NUP210: variants seen among roughly 807,000 people sequenced by gnomAD.
NUP210 encodes the protein nuclear pore membrane glycoprotein 210.
NUP210 carries 151 observed loss-of-function variants against 196.0 expected under a neutral mutation model. The ratio of observed to expected loss-of-function variants is 0.77; its 90% CI spans 0.67 to 0.88. The LOEUF (loss-of-function observed/expected upper bound fraction) is 0.88, where lower values mean the gene tolerates loss of function less well. NUP210 is among the 40% of genes least tolerant of loss of function. The pLI is 0.00. For missense variants in NUP210, 2,314 were observed against 2,493.7 expected (o/e 0.93, Z 1.53); for synonymous variants, 1,070 against 1,052.7 (o/e 1.02, Z -0.32).
intron 14 of NUP210, among the ~76,000 whole-genome samples, 190 bp from the exon 15 acceptor site, chr3:13,360,681 G>A (rs1268328261): frequency 6.6e-6 from 1 of 152,160 alleles, no homozygotes; most frequent in Non-Finnish European, 1.5e-5. Context: ...AGAGGAATGG[G>A]GTGTAGATAG....
At chr3:13,326,234 A>C (rs1344641597) in intron 32 of NUP210, among the ~76,000 whole-genome samples, 2 of 152,240 alleles carry the variant, frequency 1.3e-5, no homozygotes, top group African/African-American at 4.8e-5. Flanking sequence ...CCATCCTGGC[A>C]TGAAGCTTTA....
At position 13,397,463 on chromosome 3, in the gene NUP210, A is replaced by C; in HGVS notation, c.330T>G (p.Asp110Glu). ...DITTGQVLRC[D>E]AIVDLIHDIQ... The stretch of plus-strand genomic sequence containing the variant: ...TGTCATGGATGAGGTCCACAATGGC[A>C]TCACAGCGCAGGACCTGGCCTGTGG... The change falls in exon 3 of 40, where the codon GAT becomes GAG. Residue 110 changes from aspartate (D) to glutamate (E), a missense_variant. Coordinates refer to ENST00000254508, the MANE Select transcript of NUP210 (RefSeq NM_024923.4). 3.7e-6 allele frequency: 6 copies of C among 1,611,690 alleles called. No individual in the cohort carries two copies. The South Asian group carries it at 6.6e-5, about 18-fold the overall frequency.
chr3:13,325,067 A>T (rs1017003404), intron 33 of NUP210, among the ~76,000 whole-genome samples: 8 of 152,186 alleles, frequency 5.3e-5, no homozygotes, highest in Non-Finnish European at 8.8e-5. Context: ...AACTGCCTGG[A>T]ATCTGGTGCA....
intron 34 of NUP210, among the ~76,000 whole-genome samples, chr3:13,322,662 C>T (rs954675838): frequency 3.9e-5 from 6 of 152,226 alleles, no homozygotes; most frequent in African/African-American, 1.4e-4. Flanking sequence ...GCAGGGGAAA[C>T]GGCAATTTAC....
At chr3:13,415,131 G>A (rs976967737) in intron 1 of NUP210, among the ~76,000 whole-genome samples, 2 of 152,258 alleles carry the variant, frequency 1.3e-5, no homozygotes, top group East Asian at 1.9e-4. Flanking sequence ...GAGAGGCTGA[G>A]GCAGGAGAAT....
chr3:13,389,108 T>C (rs551577360), intron 4 of NUP210, among the ~76,000 whole-genome samples: 2 of 152,352 alleles, frequency 1.3e-5, no homozygotes, highest in South Asian at 4.1e-4. Flanking sequence ...ACTGTTCCCC[T>C]GCACAAGAGC....
chr3:13,405,824 T>C (rs1699986216), intron 1 of NUP210, among the ~76,000 whole-genome samples: 1 of 152,320 alleles, frequency 6.6e-6, no homozygotes, highest in East Asian at 1.9e-4. Flanking sequence ...CAGCTAGGCC[T>C]GGGTGACTCC....
At chr3:13,392,592 C>A (rs1467345438) in intron 3 of NUP210, among the ~76,000 whole-genome samples, 1 of 152,264 alleles carries the variant, frequency 6.6e-6, no homozygotes, top group Non-Finnish European at 1.5e-5. Flanking sequence ...GTCCTCTAGT[C>A]CAACCCTTGG....
intron 9 of NUP210, among the ~76,000 whole-genome samples, chr3:13,376,834 T>G (rs1246809794): frequency 1.3e-5 from 2 of 152,006 alleles, no homozygotes; most frequent in Non-Finnish European, 2.9e-5. Context: ...CAACGACATC[T>G]TCAAGGACAC....
At chr3:13,386,531 T>A in intron 5 of NUP210, 124 bp from the exon 6 acceptor site, 6 of 1,254,618 alleles carry the variant, frequency 4.8e-6, no homozygotes, top group Non-Finnish European at 5.5e-6. Flanking sequence ...AGAAACAAGA[T>A]ATCATTCCCA....
chr3:13,331,859 C>G (rs929618393), intron 29 of NUP210, among the ~76,000 whole-genome samples: 6 of 152,094 alleles, frequency 3.9e-5, no homozygotes, highest in African/African-American at 7.2e-5. Flanking sequence ...CTGTGCGGCC[C>G]CCTCGCCTGG....
Position 13,328,847 on chromosome 3 carries a change from A to C in NUP210, c.4210T>G (p.Phe1404Val). Residue 1404 changes from phenylalanine (F) to valine (V), a missense_variant, in exon 31 of 40, where the codon TTC becomes GTC. Transcript: ENST00000254508. ...GAGTTGTCGTGGAAGTGGACAGTGA[A>C]GGTCACGGTCATTCCCAAAGGCACG... is the stretch of plus-strand genomic sequence containing the variant. ...VAVPLGMTVT[F>V]TVHFHDNSGD... 2.5e-6 allele frequency: 4 copies of C among 1,614,158 alleles called. No homozygotes were observed. The highest frequency in any genetic ancestry group is 3.4e-6 in the Non-Finnish European group (4 of 1,179,982).
chr3:13,416,174 C>T (rs1486292905), intron 1 of NUP210, among the ~76,000 whole-genome samples: 1 of 152,166 alleles, frequency 6.6e-6, no homozygotes, highest in Non-Finnish European at 1.5e-5. Context: ...AGAGGGTGTA[C>T]CCTGGTGCAG....
Position 13,340,113 on chromosome 3 carries a change from C to A in NUP210, c.3292-80G>T, listed in dbSNP as rs1351848606. The A allele has an allele frequency of 1.9e-6, 3 of 1,601,218 alleles. No individual in the cohort carries two copies. Among genetic ancestry groups the A allele is most frequent in the South Asian group, 1.1e-5 (1 of 90,116 alleles). ...ACCTCCCACTCAGAGAGCCAGGGCC[C>A]CAGTGCAGGCAGCTTCTGCCTTCTT... On this transcript the variant is annotated intron_variant, in intron 24 of 39. Transcript: ENST00000254508. The surrounding 1 kb of genome is among the most constrained non-coding windows in gnomAD (Gnocchi z 4.0).
chr3:13,333,482 C>T (rs1697083794), intron 28 of NUP210, among the ~76,000 whole-genome samples: 1 of 152,208 alleles, frequency 6.6e-6, no homozygotes, highest in Non-Finnish European at 1.5e-5. Flanking sequence ...GGAAGATGGC[C>T]TGATTCCACC....
intron 28 of NUP210, among the ~76,000 whole-genome samples, chr3:13,335,180 T>C (rs545685220): frequency 6.6e-6 from 1 of 152,298 alleles, no homozygotes; most frequent in East Asian, 1.9e-4. Flanking sequence ...TGGCCACACA[T>C]CAAGTGAGTT....
In NUP210 at chr3:13,319,748, C is replaced by T. The variant is rs368360545; in HGVS notation, c.5383+15G>A. On this transcript the variant is annotated intron_variant, in intron 37 of 39. Coordinates refer to ENST00000254508, the MANE Select transcript of NUP210 (RefSeq NM_024923.4). ...CATCCTGGTCTGTCCCAGATGATGT[C>T]GTTCCGTGACTCACAAGGACCGGGC... The T allele has an allele frequency of 3.4e-5, 55 of 1,611,044 alleles. 1 individual carries two copies. The highest frequency in any genetic ancestry group is 4.4e-5 in the Non-Finnish European group (52 of 1,177,428).
intron 5 of NUP210, 48 bp from the exon 6 acceptor site, chr3:13,386,455 G>C (rs780374293): frequency 4.4e-6 from 7 of 1,608,174 alleles, no homozygotes; most frequent in Non-Finnish European, 5.1e-6. Context: ...ACAGGGAATG[G>C]GGAAGTGGTG....
intron 20 of NUP210, among the ~76,000 whole-genome samples, chr3:13,344,204 C>T (rs1697632629): frequency 6.6e-6 from 1 of 152,216 alleles, no homozygotes; most frequent in Non-Finnish European, 1.5e-5. Context: ...GGGATTCTAC[C>T]TTTAAGACTC....
Sources: gnomAD v4.1 joint callset for allele counts (sites outside exome capture counted in the v4.1 genomes callset) on GRCh38, gnomAD v4.1.1 for gene constraint, Gnocchi (gnomAD v3.1) non-coding constraint, MANE v1.5 for transcripts, NCBI Gene and HGNC (gene_info 2026-07-23, HGNC 2026-07-21) for gene names.